The following CADM1 variants were observed in gnomAD, a reference collection of about 807,000 sequenced individuals.
The protein encoded by CADM1 is TSLC-1.
A neutral mutation model predicts 53.1 loss-of-function variants in CADM1; 15 were observed. The observed-to-expected ratio is 0.28, with a 90% CI of 0.19 to 0.44. The LOEUF is 0.44. CADM1 is among the 20% of genes least tolerant of loss of function. CADM1 has a pLI of 1.00. For synonymous variants in CADM1, 281 were observed against 243.0 expected, an observed-to-expected ratio of 1.16 and a Z score of -1.45; for missense variants, 434 against 611.3, an observed-to-expected ratio of 0.71 and a Z score of 3.06.
chr11:115,375,851 TATAA>T (rs574555635), intron 1 of CADM1, among the ~76,000 whole-genome samples: 6 of 152,286 alleles, frequency 3.9e-5, no homozygotes, highest in African/African-American at 7.2e-5. Context: ...TCGAATAAGC[TATAA>T]ATACTCAACT....
intron 1 of CADM1, among the ~76,000 whole-genome samples, chr11:115,481,389 C>T (rs1368614548): frequency 1.3e-5 from 2 of 152,204 alleles, no homozygotes; most frequent in East Asian, 3.9e-4. Flanking sequence ...TCCTGGCTTT[C>T]CTCAAAGTCT....
At position 115,185,709 on chromosome 11, in the gene CADM1, A is replaced by G. The variant is rs148028596; in HGVS notation, c.1165+5179T>C. Reference sequence around the variant, plus strand: ...GTTCATCTCATGATAGCACAGATTTAGAAATGTGATCATCTTTTCCATTTT... The same window carrying G: ...GTTCATCTCATGATAGCACAGATTTGGAAATGTGATCATCTTTTCCATTTT... On this transcript the variant is annotated intron_variant, in intron 10 of 11. Coordinates refer to ENST00000331581, the MANE Select transcript of CADM1 (RefSeq NM_001301043.2). Among the ~76,000 whole-genome samples the G allele has an allele frequency of 3.0e-4, 45 of 152,346 alleles. No individual in the cohort carries two copies. The East Asian group carries it at 8.7e-3, about 29-fold the overall frequency.
chr11:115,422,094 C>A (rs1947771787), intron 1 of CADM1, among the ~76,000 whole-genome samples: 1 of 152,130 alleles, frequency 6.6e-6, no homozygotes, highest in Admixed American at 6.5e-5. Context: ...AGTAAAATTA[C>A]GCAGCTGAAC....
At chr11:115,483,015 C>G (rs1016275851) in intron 1 of CADM1, among the ~76,000 whole-genome samples, 1 of 152,198 alleles carries the variant, frequency 6.6e-6, no homozygotes, top group Non-Finnish European at 1.5e-5. Flanking sequence ...CTCTCCTTCT[C>G]TATCATCTTT....
At position 115,496,811 on chromosome 11, in the gene CADM1, A is replaced by G. The variant is rs754173; in HGVS notation, c.124+7460T>C. 1.7e-3 allele frequency among the ~76,000 whole-genome samples: 255 copies of G among 152,278 alleles called. 2 individuals are homozygous for G. Among genetic ancestry groups the G allele is most frequent in the African/African-American group, 5.6e-3 (232 of 41,560 alleles). On this transcript the variant is annotated intron_variant, in intron 1 of 11. Coordinates refer to ENST00000331581, the MANE Select transcript of CADM1 (RefSeq NM_001301043.2). ...GCAGGAAAGCTAAGGAGGGGAAAAA[A>G]GACTCCAAATTTAGGGGCCTTGGAG...
intron 1 of CADM1, among the ~76,000 whole-genome samples, chr11:115,469,204 G>C (rs1219008571): frequency 1.3e-5 from 2 of 152,104 alleles, no homozygotes. Context: ...ATATGGCTAA[G>C]TATACTCACC....
intron 1 of CADM1, among the ~76,000 whole-genome samples, chr11:115,455,452 T>C (rs900821118): frequency 2.6e-5 from 4 of 151,688 alleles, no homozygotes; most frequent in Non-Finnish European, 4.4e-5. Flanking sequence ...TGGTAGAAAA[T>C]GCCCATATAT....
At chr11:115,284,114 C>CTCTCTCTCTCTCTCTCTCTCTCTG (rs1351842329) in intron 1 of CADM1, among the ~76,000 whole-genome samples, 208 of 98,628 alleles carry the variant, frequency 2.1e-3, no homozygotes, top group Non-Finnish European at 3.5e-3. Context: ...CTCTCTCTCT[C>CTCTCTCTCTCTCTCTCTCTCTCTG]TGTGTGTGTG....
chr11:115,327,347 G>A (rs1202247169), intron 1 of CADM1, among the ~76,000 whole-genome samples: 1 of 152,102 alleles, frequency 6.6e-6, no homozygotes, highest in Non-Finnish European at 1.5e-5. Flanking sequence ...AAAACCTCCT[G>A]CAAGGCTGGC....
chr11:115,240,764 T>C (rs1396688049), intron 1 of CADM1: 1 of 305,512 alleles, frequency 3.3e-6, no homozygotes, highest in South Asian at 3.6e-5. Context: ...ACAAATGGAG[T>C]AGGGAAGATA....
chr11:115,483,153 G>A (rs1949294627), intron 1 of CADM1, among the ~76,000 whole-genome samples: 1 of 152,150 alleles, frequency 6.6e-6, no homozygotes, highest in East Asian at 1.9e-4. Context: ...AAATAAAGAC[G>A]AGTCTGAAAA....
At chr11:115,419,235 A>G (rs1947692821) in intron 1 of CADM1, among the ~76,000 whole-genome samples, 1 of 152,188 alleles carries the variant, frequency 6.6e-6, no homozygotes, top group Non-Finnish European at 1.5e-5. Flanking sequence ...TCTAGTTCCT[A>G]ATAACTTCTA....
At chr11:115,370,354 G>A (rs184304636) in intron 1 of CADM1, among the ~76,000 whole-genome samples, 26 of 152,198 alleles carry the variant, frequency 1.7e-4, no homozygotes, top group African/African-American at 4.8e-4. Flanking sequence ...GTTTGTATCC[G>A]CCCAAAATTC....
intron 1 of CADM1, among the ~76,000 whole-genome samples, chr11:115,272,189 A>G (rs1304813576): frequency 6.6e-6 from 1 of 152,130 alleles, no homozygotes; most frequent in East Asian, 1.9e-4. Flanking sequence ...CACAAGCAAG[A>G]ATCTCAGTTC....
Position 115,440,728 on chromosome 11 carries a change from C to G in CADM1, c.124+63543G>C, listed in dbSNP as rs220858. On this transcript the variant is annotated intron_variant, in intron 1 of 11. Coordinates refer to ENST00000331581, the MANE Select transcript of CADM1 (RefSeq NM_001301043.2). ...TATCCTTGTTCTTGACATTTTCCTT[C>G]TGAGTATCTGAGAAAACTGTGGATA... Among the ~76,000 whole-genome samples, 869 of 152,326 alleles carry G rather than the reference C, an allele frequency of 5.7e-3. 11 individuals carry two copies. Among genetic ancestry groups the G allele is most frequent in the African/African-American group, 0.019 (796 of 41,586 alleles).
chr11:115,213,485 C>T (rs1412135757), intron 7 of CADM1, among the ~76,000 whole-genome samples: 6 of 89,942 alleles, frequency 6.7e-5, no homozygotes, highest in African/African-American at 1.3e-4. Context: ...TTGCATTATG[C>T]TAGGAAAAAA....
intron 1 of CADM1, among the ~76,000 whole-genome samples, chr11:115,241,548 A>C (rs889979235): frequency 2.0e-5 from 3 of 152,218 alleles, no homozygotes; most frequent in Non-Finnish European, 4.4e-5. Flanking sequence ...CCATCTGAAG[A>C]ATGGGGATAG....
At chr11:115,382,312 G>A (rs1245432231) in intron 1 of CADM1, among the ~76,000 whole-genome samples, 2 of 151,756 alleles carry the variant, frequency 1.3e-5, no homozygotes, top group Non-Finnish European at 2.9e-5. Context: ...AAAGATCCGG[G>A]GTAAGTCACA....
chr11:115,503,699 G>A (rs1949785571), intron 1 of CADM1, among the ~76,000 whole-genome samples: 1 of 152,216 alleles, frequency 6.6e-6, no homozygotes, highest in African/African-American at 2.4e-5. Flanking sequence ...GGACAGGGGA[G>A]AAAGGCAGAG....
Sources: allele counts gnomAD v4.1 joint callset (sites outside exome capture counted in the v4.1 genomes callset), GRCh38; gene constraint gnomAD v4.1.1; transcripts MANE v1.5; gene names NCBI Gene and HGNC (gene_info 2026-07-23, HGNC 2026-07-21).